Variants in NPIPB2 observed in about 807,000 individuals in gnomAD.
The protein encoded by NPIPB2 is nuclear pore complex interacting protein family member B2.
NPIPB2 carries 27 observed loss-of-function variants against 30.8 expected under a neutral mutation model. That is an observed-to-expected ratio of 0.88 (90% CI 0.65 to 1.21). The LOEUF (loss-of-function observed/expected upper bound fraction) is 1.21. Ranked by LOEUF, NPIPB2 falls within the 50% of genes most tolerant of loss-of-function variation. NPIPB2 has a pLI of 0.00. For synonymous variants in NPIPB2, 147 were observed against 162.0 expected (o/e 0.91, Z 0.70); for missense variants, 440 against 446.2 (o/e 0.99, Z 0.13).
chr16:11,950,126 G>A (rs888594311), intron 1 of NPIPB2, among the ~76,000 whole-genome samples: 12 of 152,006 alleles, frequency 7.9e-5, no homozygotes, highest in African/African-American at 2.7e-4. Context: ...GCCACCTCCC[G>A]GGTTCAAGGG....
At position 11,933,968 on chromosome 16, in the gene NPIPB2, C is replaced by T. The variant is rs750557794; in HGVS notation, c.193-44G>A. Reference sequence around the variant, plus strand: ...AGAATGACGGCTGGGCACGGTGGTTCATGCGTATAATCCCAGTACTTTGGG... The same window carrying T: ...AGAATGACGGCTGGGCACGGTGGTTTATGCGTATAATCCCAGTACTTTGGG... On this transcript the variant is annotated intron_variant, in intron 2 of 7. Transcript: ENST00000399147. 1.4e-5 allele frequency: 20 copies of T among 1,452,604 alleles called. No individual in the cohort carries two copies. The African/African-American group carries it at 2.5e-4, about 18-fold the overall frequency. The allele number at this position is 1,452,604 out of a possible 1,614,324, so 90.0% of individuals were successfully genotyped here.
rs143974035 is a variant in NPIPB2, at chr16:11,963,263, C to T, written c.-584+13305G>A. Among the ~76,000 whole-genome samples, 1,372 of 152,044 alleles carry T rather than the reference C, an allele frequency of 9.0e-3. 17 individuals carry two copies. Among genetic ancestry groups the T allele is most frequent in the South Asian group, 0.025 (122 of 4,804 alleles). On this transcript the variant is annotated intron_variant, in intron 1 of 5. Transcript: ENST00000538896. Reference sequence around the variant, plus strand: ...GGCGTGGTGGCATGCACCTGTCATCCCAGCTACTCAGGAGGCTGAGGCCAG... The same window carrying T: ...GGCGTGGTGGCATGCACCTGTCATCTCAGCTACTCAGGAGGCTGAGGCCAG...
At chr16:11,941,082 G>T (rs2054932642) in intron 1 of NPIPB2, 5 of 1,339,164 alleles carry the variant, frequency 3.7e-6, no homozygotes, top group Non-Finnish European at 4.9e-6. Flanking sequence ...AAAGTGCTGG[G>T]ATTACAGGCC....
chr16:11,962,874 C>T (rs2055164073), intron 1 of NPIPB2, among the ~76,000 whole-genome samples: 1 of 152,030 alleles, frequency 6.6e-6, no homozygotes, highest in East Asian at 1.9e-4. Flanking sequence ...TGAGACCATT[C>T]TGCCCAATAT....
At chr16:11,933,694 A>G (rs1014478694) in exon 4 of NPIPB2, 8 of 1,596,924 alleles carry the variant, frequency 5.0e-6, no homozygotes, top group South Asian at 4.4e-5. Context: ...CTTTGTGTGC[A>G]TACAAATGGA....
intron 1 of NPIPB2, among the ~76,000 whole-genome samples, chr16:11,975,373 T>C (rs1267642519): frequency 6.7e-6 from 1 of 150,056 alleles, no homozygotes; most frequent in African/African-American, 2.4e-5. Context: ...GGTCTCGATC[T>C]CCTGACCTCG....
rs376635281 is a variant in NPIPB2 at position 11,975,000 on chromosome 16, G to A, written c.-584+1568C>T. On this transcript the variant is annotated intron_variant, in intron 1 of 5. Coordinates refer to the NPIPB2 transcript ENST00000538896. ...TGAGGCAGGAGAATCACTTGAACCCGGGAGGTGGAGGTTGCAGTGAGCCAA... is the reference window on the plus strand; with the variant it reads ...TGAGGCAGGAGAATCACTTGAACCCAGGAGGTGGAGGTTGCAGTGAGCCAA... Among the ~76,000 whole-genome samples the A allele has an allele frequency of 4.0e-4, 60 of 151,400 alleles. 1 individual carries two copies. The highest frequency in any genetic ancestry group is 9.2e-4 in the Admixed American group (14 of 15,188).
intron 1 of NPIPB2, among the ~76,000 whole-genome samples, chr16:11,951,625 T>TACACACACACACACACACACACACACAC (rs1214348316): frequency 6.0e-4 from 58 of 95,888 alleles, no homozygotes; most frequent in African/African-American, 2.5e-3. Flanking sequence ...CACATACACA[T>TACACACACACACACACACACACACACAC]ACACACACAC....
chr16:11,927,609 G>A, exon 8 of NPIPB2: 3 of 1,461,588 alleles, frequency 2.1e-6, no homozygotes, highest in Non-Finnish European at 2.7e-6. Flanking sequence ...GGTGTCTTGA[G>A]ATTATCATCC....
intron 1 of NPIPB2, among the ~76,000 whole-genome samples, chr16:11,961,810 GTATAA>G (rs1320735426): frequency 6.6e-6 from 1 of 150,990 alleles, no homozygotes; most frequent in African/African-American, 2.4e-5. Context: ...ATGAGCAGTT[GTATAA>G]TATGCTCTAT....
chr16:11,943,478 C>T (rs1242894971), upstream of NPIPB2, among the ~76,000 whole-genome samples: 9 of 149,630 alleles, frequency 6.0e-5, no homozygotes, highest in South Asian at 2.1e-4. Context: ...CTGAGGCAGG[C>T]GGATCACGAG....
intron 1 of NPIPB2, chr16:11,967,230 GACCACAA>G: frequency 8.4e-6 from 2 of 239,284 alleles, no homozygotes; most frequent in African/African-American, 2.3e-5. Flanking sequence ...TCAAGCTCCT[GACCACAA>G]GTGATCTGCC....
At chr16:11,967,448 C>A in intron 1 of NPIPB2, 1 of 1,005,102 alleles carries the variant, frequency 9.9e-7, no homozygotes, top group Non-Finnish European at 1.5e-6. Flanking sequence ...AGTAAGACCC[C>A]ACCTCTAAAA....
intron 1 of NPIPB2, chr16:11,941,222 A>G: frequency 2.6e-6 from 4 of 1,519,654 alleles, no homozygotes; most frequent in Non-Finnish European, 3.5e-6. Context: ...AGGAGCCAAA[A>G]GAGCATCCAC....
At chr16:11,952,259 A>G (rs2055074210) in intron 1 of NPIPB2, among the ~76,000 whole-genome samples, 1 of 151,182 alleles carries the variant, frequency 6.6e-6, no homozygotes, top group African/African-American at 2.4e-5. Context: ...AAGGCAGGAG[A>G]ATGGTGTGAA....
rs949699355 is a variant in NPIPB2 at position 11,968,308 on chromosome 16, C to G, written c.-584+8260G>C. On this transcript the variant is annotated intron_variant, in intron 1 of 5. Coordinates refer to the NPIPB2 transcript ENST00000538896. ...CCTGGCCAACATGGTGAAACCCTGT[C>G]TTTACTAAAAATACAAAAATTAGCT... Among the ~76,000 whole-genome samples the G allele has an allele frequency of 5.3e-5, 8 of 152,172 alleles. No individual in the cohort carries two copies. The East Asian group carries it at 1.2e-3, about 22-fold the overall frequency.
chr16:11,965,518 A>G, intron 1 of NPIPB2: 1 of 1,522,298 alleles, frequency 6.6e-7, no homozygotes, highest in Non-Finnish European at 9.0e-7. Flanking sequence ...TGGACTGCTT[A>G]TTCAGAGAAT....
intron 1 of NPIPB2, among the ~76,000 whole-genome samples, chr16:11,960,353 CTTTTT>C (rs35099223): frequency 1.6e-5 from 2 of 126,366 alleles, no homozygotes; most frequent in Admixed American, 8.5e-5. Context: ...GTATGGTTCC[CTTTTT>C]TTTTTTTTTT....
Position 11,966,178 on chromosome 16 carries a change from A to C in NPIPB2, c.-584+10390T>G, listed in dbSNP as rs11570145. 647 of 1,601,916 alleles carry C rather than the reference A, an allele frequency of 4.0e-4. 1 individual carries two copies. The highest frequency in any genetic ancestry group is 5.2e-4 in the Non-Finnish European group (605 of 1,172,602). On this transcript the variant is annotated intron_variant, in intron 1 of 5. Transcript: ENST00000538896. ...ATGTTATCAGCTCATTATCTGTCTG[A>C]TGTTCTTTTCATAAAGGTGTGACCA...
Sources: gnomAD v4.1 joint callset for allele counts (sites outside exome capture counted in the v4.1 genomes callset) on GRCh38, gnomAD v4.1.1 for gene constraint, MANE v1.5 for transcripts, NCBI Gene and HGNC (gene_info 2026-07-23, HGNC 2026-07-21) for gene names.